The following RIPK4 variants were observed in gnomAD, a reference collection of about 807,000 sequenced individuals.
The protein encoded by RIPK4 is receptor-interacting serine/threonine-protein kinase 4.
RIPK4 carries 17 observed loss-of-function variants against 42.9 expected under a neutral mutation model. The observed-to-expected ratio is 0.40, with a 90% CI of 0.27 to 0.59. RIPK4 has a LOEUF of 0.59. Among genes scored for constraint, RIPK4 ranks in the 20% least tolerant of loss-of-function variants. RIPK4 has a pLI of 0.47. For synonymous variants in RIPK4, 498 were observed against 499.1 expected (o/e 1.00, Z 0.03); for missense variants, 897 against 1,104.4 (o/e 0.81, Z 2.66).
chr21:41,744,974 A>G (rs2061166238), intron 6 of RIPK4, among the ~76,000 whole-genome samples: 1 of 151,774 alleles, frequency 6.6e-6, no homozygotes, highest in South Asian at 2.1e-4. Flanking sequence ...GTTTGCCCCA[A>G]CTCCCCACCC....
rs1432333419 is a variant in RIPK4 at position 41,767,005 on chromosome 21, G to T, written c.37C>A (p.Leu13Met). The T allele has an allele frequency of 6.3e-7, 1 of 1,598,174 alleles. No homozygotes were observed. The highest frequency in any genetic ancestry group is 8.5e-7 in the Non-Finnish European group (1 of 1,174,160). ...GDGGTPWALALLRTFDAGEFT... is the reference protein window; with the variant it reads ...GDGGTPWALAMLRTFDAGEFT... ...TCGCCCGCGTCGAAGGTGCGCAGCA[G>T]CGCCAGGGCCCATGGGGTCCCGCCG... The change falls in exon 1 of 8, where the codon CTG becomes ATG. Residue 13 changes from leucine (L) to methionine (M), a missense_variant. Leu to Met is a conservative substitution (Grantham distance 15). Transcript: ENST00000332512. The surrounding 1 kb of genome is among the most constrained non-coding windows in gnomAD (Gnocchi z 4.0).
In RIPK4 at chr21:41,756,775, A is replaced by G. The variant is rs777609679; in HGVS notation, c.224T>C (p.Met75Thr). ...AGGCAGGATGTAGCGAAACTTGGCC[A>G]TCTCCATCTTCTTGGCTTCTTCCAA... ...ELLEEAKKME[M>T]AKFRYILPVY... Residue 75 changes from methionine to threonine, a missense_variant, in exon 2 of 8, where the codon ATG (methionine) becomes ACG (threonine). Coordinates refer to ENST00000332512, the MANE Select transcript of RIPK4 (RefSeq NM_020639.3). 5.0e-6 allele frequency: 8 copies of G among 1,614,032 alleles called. No individual in the cohort carries two copies. In the South Asian group the frequency reaches 8.8e-5, roughly 18 times the overall value.
intron 2 of RIPK4, among the ~76,000 whole-genome samples, chr21:41,752,830 G>C (rs1168998715): frequency 6.6e-6 from 1 of 152,170 alleles, no homozygotes; most frequent in Non-Finnish European, 1.5e-5. Context: ...TCGGTGCGTA[G>C]GGGAAGAGGG....
At chr21:41,746,551 T>G (rs1191747326) in intron 5 of RIPK4, 62 bp downstream of exon 5, 1 of 1,581,290 alleles carries the variant, frequency 6.3e-7, no homozygotes, top group Non-Finnish European at 8.6e-7. Flanking sequence ...CCCTGTCCTG[T>G]CTGTCACCTC....
chr21:41,759,359 T>C (rs1000900246), intron 1 of RIPK4, among the ~76,000 whole-genome samples: 2 of 152,154 alleles, frequency 1.3e-5, no homozygotes, highest in African/African-American at 2.4e-5. Flanking sequence ...CCCAAAGTGC[T>C]AGGATTACAG....
At chr21:41,763,948 A>G (rs2061228748) in intron 1 of RIPK4, among the ~76,000 whole-genome samples, 1 of 151,774 alleles carries the variant, frequency 6.6e-6, no homozygotes, top group Admixed American at 6.6e-5. Context: ...CCATCCCTAC[A>G]CCCCACCCTA....
chr21:41,756,475 G>C, intron 2 of RIPK4, 50 bp downstream of exon 2: 1 of 1,579,932 alleles, frequency 6.3e-7, no homozygotes, highest in Non-Finnish European at 8.6e-7. Context: ...TGCTCCCCAA[G>C]ACACAGGCCC....
chr21:41,740,579 A>G lies in RIPK4; in HGVS notation c.*259T>C. The G allele has an allele frequency of 2.0e-6, 1 of 499,586 alleles. No homozygotes were observed. Among genetic ancestry groups the G allele is most frequent in the Non-Finnish European group, 3.5e-6 (1 of 283,178 alleles). 30.9% of individuals were successfully genotyped at this position (499,586 alleles called of 1,614,324 possible). On this transcript the variant is annotated 3_prime_UTR_variant, in exon 8 of 8. Coordinates refer to ENST00000332512, the MANE Select transcript of RIPK4 (RefSeq NM_020639.3). ...CAGCGACCCATTAGGAGCACAACGAAATGATTCTGACCCACGGTCCCTTCA... is the reference window on the plus strand; with the variant it reads ...CAGCGACCCATTAGGAGCACAACGAGATGATTCTGACCCACGGTCCCTTCA...
At chr21:41,743,806 T>G (rs2061161673) in intron 7 of RIPK4, 76 bp downstream of exon 7, 1 of 1,486,914 alleles carries the variant, frequency 6.7e-7, no homozygotes, top group Admixed American at 2.3e-5. Flanking sequence ...TTGATTCCGT[T>G]TAGCTTCTCA....
In RIPK4 at chr21:41,755,257, C is replaced by T. The variant is rs1224275896; in HGVS notation, c.474+1268G>A. 6.6e-6 allele frequency among the ~76,000 whole-genome samples: 1 copy of T among 152,208 alleles called. No homozygotes were observed. Among genetic ancestry groups the T allele is most frequent in the African/African-American group, 2.4e-5 (1 of 41,446 alleles). On this transcript the variant is annotated intron_variant, in intron 2 of 7. Coordinates refer to ENST00000332512, the MANE Select transcript of RIPK4 (RefSeq NM_020639.3). This position sits in a 1 kb window ranked among gnomAD's most constrained non-coding sequence, Gnocchi z 4.2. The stretch of plus-strand genomic sequence containing the variant: ...ATTTTTGTCTCCATTATCTCAATTT[C>T]CTACTTCACTTCGCAGGACGGTGCT...
intron 4 of RIPK4, 104 bp downstream of exon 4, chr21:41,749,050 G>A (rs542522736): frequency 6.6e-6 from 8 of 1,204,644 alleles, no homozygotes; most frequent in Admixed American, 5.4e-5. Flanking sequence ...CTATGGCAGC[G>A]TGGATCACAG....
At chr21:41,746,523 CCCAGG>C in intron 5 of RIPK4, 85 bp downstream of exon 5, 4 of 1,484,068 alleles carry the variant, frequency 2.7e-6, no homozygotes, top group Non-Finnish European at 3.6e-6. Flanking sequence ...TTGTTTCTCA[CCCAGG>C]CCTGGTCCCT....
At chr21:41,743,764 A>G (rs2061161566) in intron 7 of RIPK4, 118 bp downstream of exon 7, 5 of 1,312,858 alleles carry the variant, frequency 3.8e-6, no homozygotes, top group Non-Finnish European at 5.2e-6. Context: ...GAACACAAAG[A>G]AGAATTCTTG....
chr21:41,743,270 C>A (rs764385827), intron 7 of RIPK4, among the ~76,000 whole-genome samples: 10 of 152,198 alleles, frequency 6.6e-5, no homozygotes, highest in Non-Finnish European at 1.3e-4. Context: ...AGCACCAGGT[C>A]CAGCACCCTG....
intron 1 of RIPK4, among the ~76,000 whole-genome samples, chr21:41,758,395 C>T (rs1482292626): frequency 6.6e-6 from 1 of 152,172 alleles, no homozygotes; most frequent in Non-Finnish European, 1.5e-5. Flanking sequence ...TATATCAAAA[C>T]TTCCTTTTCA....
chr21:41,749,515 T>C (rs772027274), intron 3 of RIPK4, among the ~76,000 whole-genome samples: 3 of 152,204 alleles, frequency 2.0e-5, no homozygotes, highest in Non-Finnish European at 4.4e-5. Context: ...AGCGCCTGTG[T>C]GCCTCACTGA....
At chr21:41,765,593 C>A (rs2061233653) in intron 1 of RIPK4, among the ~76,000 whole-genome samples, 1 of 152,218 alleles carries the variant, frequency 6.6e-6, no homozygotes, top group Non-Finnish European at 1.5e-5. Flanking sequence ...CACGCACTGC[C>A]ACCCCAGACA....
At position 41,746,958 on chromosome 21, in the gene RIPK4, T is replaced by C. The variant is rs1014854989; in HGVS notation, c.674-187A>G. 2.7e-5 allele frequency: 17 copies of C among 618,584 alleles called. No homozygotes were observed. In the African/African-American group the frequency reaches 3.0e-4, roughly 11 times the overall value. The allele number at this position is 618,584 out of a possible 1,614,324, so 38.3% of individuals were successfully genotyped here. ...TAACCCTCACCCTCATGGTGCGCCA[T>C]GCTCTCTAGTTTCCTGGTTTTGAAA... On this transcript the variant is annotated intron_variant, in intron 4 of 7. Coordinates refer to ENST00000332512, the MANE Select transcript of RIPK4 (RefSeq NM_020639.3).
In RIPK4 at chr21:41,742,674, T is replaced by TG. The variant is rs2061158366; in HGVS notation, c.1196-678dup. Reference sequence around the variant, plus strand: ...CTCCTCCGCCCTCATGTGAAACGCGTGGGGACTTGGAAGTCGGCGGTGGGA... The same window carrying TG: ...CTCCTCCGCCCTCATGTGAAACGCGTGGGGGACTTGGAAGTCGGCGGTGGGA... On this transcript the variant is annotated intron_variant, in intron 7 of 7. Coordinates refer to ENST00000332512, the MANE Select transcript of RIPK4 (RefSeq NM_020639.3). The surrounding 1 kb of genome is among the most constrained non-coding windows in gnomAD (Gnocchi z 5.1). Among the ~76,000 whole-genome samples the TG allele has an allele frequency of 6.6e-6, 1 of 152,074 alleles. No individual in the cohort carries two copies. The highest frequency in any genetic ancestry group is 1.5e-5 in the Non-Finnish European group (1 of 68,020).
Sources: gnomAD v4.1 joint callset for allele counts (sites outside exome capture counted in the v4.1 genomes callset) on GRCh38, gnomAD v4.1.1 for gene constraint, Gnocchi (gnomAD v3.1) non-coding constraint, MANE v1.5 for transcripts, NCBI Gene and HGNC (gene_info 2026-07-23, HGNC 2026-07-21) for gene names.